TTC6: variants seen among roughly 807,000 people sequenced by gnomAD.
The protein encoded by TTC6 is tetratricopeptide repeat domain 6, also known as tetratricopeptide repeat protein 6.
Under a neutral mutation model 210.4 loss-of-function variants are expected in TTC6, and 172 were observed. The ratio of observed to expected loss-of-function variants is 0.82; its 90% CI spans 0.72 to 0.93. The LOEUF (loss-of-function observed/expected upper bound fraction) is 0.93. Ranked by LOEUF, TTC6 falls within the 40% of genes least tolerant of loss-of-function variation. The probability of loss-of-function intolerance (pLI) is 0.00; values close to 1 mark genes in which losing one functional copy is unlikely to be tolerated. For missense variants in TTC6, 2,414 were observed against 2,318.1 expected, an observed-to-expected ratio of 1.04 and a Z score of -0.85; for synonymous variants, 804 against 819.6, an observed-to-expected ratio of 0.98 and a Z score of 0.32.
At chr14:37,636,409 C>T (rs1374055312) in intron 1 of TTC6, among the ~76,000 whole-genome samples, 2 of 152,068 alleles carry the variant, frequency 1.3e-5, no homozygotes, top group Non-Finnish European at 2.9e-5. Flanking sequence ...AGAATTGAAA[C>T]TATATAGACT....
At position 37,681,452 on chromosome 14, in the gene TTC6, G is replaced by T. The variant is rs151175303; in HGVS notation, c.1050+1191G>T. ...TATCGTCTTGATTATTTAAAATAAAGAGTTAAACAAAAATATTAATTTATT... is the reference window on the plus strand; with the variant it reads ...TATCGTCTTGATTATTTAAAATAAATAGTTAAACAAAAATATTAATTTATT... On this transcript the variant is annotated intron_variant, in intron 2 of 30. Coordinates refer to ENST00000553443, the Ensembl canonical transcript of TTC6. Among the ~76,000 whole-genome samples the T allele has an allele frequency of 8.3e-3, 1,269 of 152,248 alleles. 22 individuals are homozygous for T. Among genetic ancestry groups the T allele is most frequent in the African/African-American group, 0.029 (1,204 of 41,546 alleles).
exon 10 of TTC6, chr14:37,738,947 G>C: frequency 6.5e-7 from 1 of 1,535,502 alleles, no homozygotes; most frequent in Non-Finnish European, 8.7e-7. Context: ...CTATGTGAAA[G>C]AAAGTATAGA....
At chr14:37,747,144 C>T (rs1273439982) in intron 10 of TTC6, among the ~76,000 whole-genome samples, 1 of 152,138 alleles carries the variant, frequency 6.6e-6, no homozygotes, top group East Asian at 1.9e-4. Context: ...AACATCATTC[C>T]CTGCTAACAC....
intron 14 of TTC6, among the ~76,000 whole-genome samples, chr14:37,782,334 G>T (rs1017272009): frequency 1.1e-4 from 17 of 152,010 alleles, no homozygotes; most frequent in Admixed American, 1.0e-3. Context: ...CCTTGAAGAG[G>T]TCCTTCACAT....
chr14:37,751,284 G>A, intron 13 of TTC6, 59 bp downstream of exon 15: 1 of 1,275,116 alleles, frequency 7.8e-7, no homozygotes, highest in South Asian at 2.0e-5. Flanking sequence ...ATATCCTCAT[G>A]CAAATAGTAC....
chr14:37,614,644 G>GTT (rs71127226), intron 2 of TTC6, among the ~76,000 whole-genome samples: 8 of 141,670 alleles, frequency 5.6e-5, no homozygotes, highest in Middle Eastern at 3.6e-3. Flanking sequence ...ATTCTCTTAG[G>GTT]TTTTTTTTTT....
intron 1 of TTC6, among the ~76,000 whole-genome samples, chr14:37,597,388 G>T (rs1204233750): frequency 6.6e-6 from 1 of 151,922 alleles, no homozygotes; most frequent in Non-Finnish European, 1.5e-5. Context: ...ATTTTCTACC[G>T]AGAGTAACAA....
intron 2 of TTC6, among the ~76,000 whole-genome samples, chr14:37,616,138 T>C (rs1566840532): frequency 6.6e-6 from 1 of 152,338 alleles, no homozygotes; most frequent in East Asian, 1.9e-4. Context: ...TACTTTGAGT[T>C]TGTCCTGCAT....
chr14:37,759,610 A>G (rs1292808829), intron 14 of TTC6, among the ~76,000 whole-genome samples: 2 of 152,094 alleles, frequency 1.3e-5, no homozygotes, highest in Admixed American at 1.3e-4. Flanking sequence ...ACTTGGTTCC[A>G]TTCTCCCTGT....
chr14:37,727,868 A>G (rs190322428), intron 7 of TTC6, among the ~76,000 whole-genome samples: 2 of 152,246 alleles, frequency 1.3e-5, no homozygotes, highest in African/African-American at 2.4e-5. Flanking sequence ...ATATTCTTCA[A>G]AATACCAGTT....
intron 1 of TTC6, among the ~76,000 whole-genome samples, chr14:37,602,753 G>A (rs574008617): frequency 6.6e-6 from 1 of 152,180 alleles, no homozygotes; most frequent in Non-Finnish European, 1.5e-5. Context: ...CGCGGTGGGG[G>A]AGAGGGGGTC....
intron 1 of TTC6, among the ~76,000 whole-genome samples, chr14:37,640,532 T>A (rs1187044959): frequency 1.3e-5 from 2 of 152,164 alleles, no homozygotes; most frequent in East Asian, 3.9e-4. Flanking sequence ...TTTTGTAATG[T>A]AGAGGTTTTT....
chr14:37,796,844 A>G (rs1276677357), exon 20 of TTC6: 15 of 1,609,930 alleles, frequency 9.3e-6, no homozygotes, highest in East Asian at 8.9e-5. Flanking sequence ...TGTGAAAACC[A>G]TGACAAGGCC....
At chr14:37,633,628 C>T (rs559713927) in intron 1 of TTC6, among the ~76,000 whole-genome samples, 2 of 152,316 alleles carry the variant, frequency 1.3e-5, no homozygotes, top group East Asian at 1.9e-4. Flanking sequence ...ATACAATTTC[C>T]AGTATCAACG....
chr14:37,749,447 G>A lies in TTC6; in HGVS notation c.2826+46G>A, dbSNP rs140696072. 1.1e-4 allele frequency: 149 copies of A among 1,365,822 alleles called. No individual in the cohort carries two copies. In the African/African-American group the frequency reaches 1.8e-3, roughly 16 times the overall value. The allele number at this position is 1,365,822 out of a possible 1,614,324, so 84.6% of individuals were successfully genotyped here. ...ATAGTAATATTCACCATTTACACTT[G>A]CTTTTAATTGTATAGTAATTTTTGC... On this transcript the variant is annotated intron_variant, in intron 11 of 30. Transcript: ENST00000553443.
intron 2 of TTC6, among the ~76,000 whole-genome samples, chr14:37,681,649 A>G (rs2095783850): frequency 6.6e-6 from 1 of 152,068 alleles, no homozygotes; most frequent in African/African-American, 2.4e-5. Flanking sequence ...GCCCTCAGAC[A>G]TCAGACTGCA....
intron 25 of TTC6, among the ~76,000 whole-genome samples, chr14:37,813,749 C>T (rs553421195): frequency 1.1e-4 from 16 of 152,234 alleles, no homozygotes; most frequent in Non-Finnish European, 2.4e-4. Flanking sequence ...GACAGAGTTC[C>T]AGTCTTTGAG....
At chr14:37,760,540 TCTTC>T (rs1381333900) in intron 14 of TTC6, among the ~76,000 whole-genome samples, 3 of 152,160 alleles carry the variant, frequency 2.0e-5, no homozygotes, top group African/African-American at 7.2e-5. Flanking sequence ...GCTGTTAGAA[TCTTC>T]CTTGTCAGGA....
At chr14:37,806,971 G>A (rs1013561376) in intron 22 of TTC6, among the ~76,000 whole-genome samples, 1 of 152,026 alleles carries the variant, frequency 6.6e-6, no homozygotes, top group African/African-American at 2.4e-5. Flanking sequence ...ATATATAATG[G>A]CAGTGTGGTT....
Sources: allele counts gnomAD v4.1 joint callset (sites outside exome capture counted in the v4.1 genomes callset), GRCh38; gene constraint gnomAD v4.1.1; transcripts MANE v1.5; gene names NCBI Gene and HGNC (gene_info 2026-07-23, HGNC 2026-07-21).